Variants in MICOS13 observed in about 807,000 individuals in gnomAD.
The protein encoded by MICOS13 is mitochondrial contact site and cristae organizing system subunit 13.
Under a neutral mutation model 16.1 loss-of-function variants are expected in MICOS13, and 15 were observed. That is an observed-to-expected ratio of 0.93 (90% confidence interval 0.62 to 1.44). MICOS13 has a LOEUF of 1.44. MICOS13 is among the 40% of genes most tolerant of loss of function. The probability of loss-of-function intolerance (pLI) is 0.00; values close to 1 mark genes in which losing one functional copy is unlikely to be tolerated. For synonymous variants in MICOS13, 61 were observed against 62.6 expected (o/e 0.97, Z 0.12); for missense variants, 164 against 155.0 (o/e 1.06, Z -0.31).
At chr19:5,680,323 G>A (rs896256306) in intron 1 of MICOS13, 135 bp downstream of exon 1, 58 of 1,608,014 alleles carry the variant, frequency 3.6e-5, no homozygotes, top group Non-Finnish European at 4.8e-5. Flanking sequence ...TTCCCTATCT[G>A]GCCCATAGGC....
intron 1 of MICOS13, 96 bp from the exon 2 acceptor site, chr19:5,679,859 C>T: frequency 1.4e-6 from 2 of 1,450,726 alleles, no homozygotes; most frequent in Non-Finnish European, 1.8e-6. Context: ...CTCCTGAGGG[C>T]TCACCGTCCA....
chr19:5,680,145 C>G (rs1227404645), intron 1 of MICOS13: 1 of 1,536,080 alleles, frequency 6.5e-7, no homozygotes, highest in Admixed American at 2.0e-5. Flanking sequence ...GCATTCACTT[C>G]TCATCCACGC....
At position 5,678,742 on chromosome 19, in the gene MICOS13, G is replaced by A. The variant is rs549109475; in HGVS notation, c.260-94C>T. The A allele has an allele frequency of 2.8e-5, 19 of 674,534 alleles. No homozygotes were observed. In the South Asian group the frequency reaches 3.7e-4, roughly 13 times the overall value. 41.8% of individuals were successfully genotyped at this position (674,534 alleles called of 1,614,324 possible). ...ACTCTAGAGTTTGTTTTGGGCGGTG[G>A]GGGGTGGGTGGGGGGCGGGGATGGA... On this transcript the variant is annotated intron_variant, in intron 3 of 3. Transcript: ENST00000309324.
intron 3 of MICOS13, 43 bp from the exon 4 acceptor site, chr19:5,678,691 C>A (rs1466926037): frequency 1.4e-6 from 2 of 1,415,650 alleles, no homozygotes; most frequent in Admixed American, 5.0e-5. Context: ...CCCTCCCAGC[C>A]TCACCCAGCC....
chr19:5,680,421 T>C lies in MICOS13; in HGVS notation c.29+37A>G, dbSNP rs371700451. ...AGGGATGCCCACAAAAATGGACTTT[T>C]TCGGGGACTCGGGTCCCCTCCGGCG... On this transcript the variant is annotated intron_variant, in intron 1 of 3. Transcript: ENST00000309324. The C allele has an allele frequency of 7.4e-5, 120 of 1,612,958 alleles. No individual in the cohort carries two copies. The Middle Eastern group carries it at 1.2e-3, about 15-fold the overall frequency.
chr19:5,679,208 G>A lies in MICOS13; in HGVS notation c.259+137C>T, dbSNP rs575566920. ...ATTACAGGCGTGAGCCACTGTGCTC[G>A]GCCTCCTTTCCCTTTTAGATCCCTA... On this transcript the variant is annotated intron_variant, in intron 3 of 3. Transcript: ENST00000309324. The A allele has an allele frequency of 4.1e-5, 39 of 945,870 alleles. No individual in the cohort carries two copies. In the East Asian group the frequency reaches 6.1e-4, roughly 15 times the overall value. The allele number at this position is 945,870 out of a possible 1,614,324, so 58.6% of individuals were successfully genotyped here.
At chr19:5,679,479 G>C in intron 2 of MICOS13, 83 bp from the exon 3 acceptor site, 2 of 1,593,468 alleles carry the variant, frequency 1.3e-6, no homozygotes, top group Non-Finnish European at 1.7e-6. Flanking sequence ...GGACAGGCCG[G>C]AGAATCAGGT....
At chr19:5,679,530 G>A in intron 2 of MICOS13, 56 bp downstream of exon 2, 7 of 1,597,288 alleles carry the variant, frequency 4.4e-6, no homozygotes, top group Non-Finnish European at 4.3e-6. Flanking sequence ...GGGCTGGAGG[G>A]ACCTCCCAGA....
In MICOS13 at chr19:5,678,600, C is replaced by T. The variant is rs778546765; in HGVS notation, c.308G>A (p.Arg103His). The part of the protein sequence containing the change: ...SALSVAPSKA[R>H]EYSKEGWEYV... ...CTCCCAGCCCTCCTTGGAGTACTCG[C>T]GGGCCTTGGAGGGGGCCACCGACAG... Residue 103 changes from arginine (R) to histidine (H), a missense_variant, in exon 4 of 4, where the codon CGC becomes CAC. Physicochemically the swap from Arg to His is conservative, Grantham distance 29. Coordinates refer to ENST00000309324, the MANE Select transcript of MICOS13 (RefSeq NM_205767.3). 39 of 1,548,216 alleles carry T rather than the reference C, an allele frequency of 2.5e-5. No homozygotes were observed. The highest frequency in any genetic ancestry group is 2.2e-4 in the Admixed American group (11 of 50,596).
chr19:5,679,618 C>G lies in MICOS13; in HGVS notation c.175G>C (p.Val59Leu). The G allele has an allele frequency of 1.9e-6, 3 of 1,611,202 alleles. No homozygotes were observed. The highest frequency in any genetic ancestry group is 1.3e-5 in the African/African-American group (1 of 74,930). Residue 59 changes from valine (V) to leucine (L), a missense_variant, in exon 2 of 4, where the codon GTG (valine) becomes CTG (leucine). Val to Leu is a conservative substitution (Grantham distance 32). Coordinates refer to ENST00000309324, the MANE Select transcript of MICOS13 (RefSeq NM_205767.3). Reference sequence around the variant, plus strand: ...ATCTGCAGGCCTGTCTGCTGACACACGTACTGGCTGAACTGGTACATGGCG... The same window carrying G: ...ATCTGCAGGCCTGTCTGCTGACACAGGTACTGGCTGAACTGGTACATGGCG... ...PPAMYQFSQY[V>L]CQQTGLQIPQ...
Position 5,678,657 on chromosome 19 carries a change from A to G in MICOS13, c.260-9T>C. The stretch of plus-strand genomic sequence containing the variant: ...CATCACCGTCATGATGCCTGTGGGA[A>G]AGGGACGGCCACTGGTGATACTCCC... On this transcript the variant is annotated splice_polypyrimidine_tract_variant and intron_variant, in intron 3 of 3. Transcript: ENST00000309324. The G allele has an allele frequency of 6.6e-7, 1 of 1,517,962 alleles. No individual in the cohort carries two copies. Among genetic ancestry groups the G allele is most frequent in the Non-Finnish European group, 8.9e-7 (1 of 1,129,796 alleles). The allele number at this position is 1,517,962 out of a possible 1,614,324, so 94.0% of individuals were successfully genotyped here. A position where few individuals can be genotyped will look rare whatever the true frequency, so the allele number is the denominator to read the frequency against.
chr19:5,678,475 G>T lies in MICOS13; in HGVS notation c.*76C>A. The stretch of plus-strand genomic sequence containing the variant: ...AAGGCCGGGAGCTGCCCTCGGAGTG[G>T]GGTCCCAGTCCGGAGTCTTCAGGTC... On this transcript the variant is annotated 3_prime_UTR_variant, in exon 4 of 4. Transcript: ENST00000309324. The T allele has an allele frequency of 2.9e-6, 4 of 1,363,054 alleles. No homozygotes were observed. The allele number at this position is 1,363,054 out of a possible 1,614,324, so 84.4% of individuals were successfully genotyped here.
At chr19:5,680,344 G>C in intron 1 of MICOS13, 114 bp downstream of exon 1, 2 of 1,605,884 alleles carry the variant, frequency 1.2e-6, no homozygotes, top group Non-Finnish European at 1.7e-6. Context: ...GGGGAACGAA[G>C]GGGAAGTGAC....
intron 1 of MICOS13, chr19:5,680,114 G>C: frequency 6.5e-7 from 1 of 1,535,930 alleles, no homozygotes; most frequent in Non-Finnish European, 8.7e-7. Context: ...CCTGCCCGCT[G>C]TCACTCGCAG....
At position 5,678,628 on chromosome 19, in the gene MICOS13, C is replaced by G; in HGVS notation, c.280G>C (p.Ala94Pro). The change falls in exon 4 of 4, where the codon GCT becomes CCT. Residue 94 changes from alanine (A) to proline (P), a missense_variant. Physicochemically the swap from Ala to Pro is conservative, Grantham distance 27 (BLOSUM62 -1). Transcript: ENST00000309324. ...WNAGIMTVMS[A>P]LSVAPSKARE... ...GCCTTGGAGGGGGCCACCGACAGAG[C>G]TGACATCACCGTCATGATGCCTGTG... 6.5e-7 allele frequency: 1 copy of G among 1,542,008 alleles called. No individual in the cohort carries two copies. Among genetic ancestry groups the G allele is most frequent in the Non-Finnish European group, 8.7e-7 (1 of 1,143,012 alleles).
chr19:5,678,597 T>C lies in MICOS13; in HGVS notation c.311A>G (p.Glu104Gly). 1 of 1,548,632 alleles carries C rather than the reference T, an allele frequency of 6.5e-7. No individual in the cohort carries two copies. The highest frequency in any genetic ancestry group is 8.7e-7 in the Non-Finnish European group (1 of 1,146,144). Residue 104 changes from glutamate to glycine, a missense_variant, in exon 4 of 4, where the codon GAG becomes GGG. By Grantham distance (98) the Glu-to-Gly change is moderately conservative (BLOSUM62 -2). Transcript: ENST00000309324. ...ALSVAPSKAR[E>G]YSKEGWEYVK... ...ATACTCCCAGCCCTCCTTGGAGTAC[T>C]CGCGGGCCTTGGAGGGGGCCACCGA...
intron 3 of MICOS13, 161 bp downstream of exon 3, chr19:5,679,184 T>G (rs1391278281): frequency 1.3e-6 from 1 of 756,888 alleles, no homozygotes. Context: ...AGTGCTGGGA[T>G]TACAGGCGTG....
chr19:5,680,306 C>T, intron 1 of MICOS13, 152 bp downstream of exon 1: 1 of 1,609,732 alleles, frequency 6.2e-7, no homozygotes, highest in African/African-American at 1.3e-5. Context: ...CCCTCTGAAG[C>T]CTCAGTTTCC....
intron 3 of MICOS13, 134 bp downstream of exon 3, chr19:5,679,211 C>G (rs781405172): frequency 6.0e-6 from 6 of 1,001,382 alleles, no homozygotes; most frequent in Non-Finnish European, 8.8e-6. Flanking sequence ...TGTGCTCGGC[C>G]TCCTTTCCCT....
Sources: gnomAD v4.1 joint callset for allele counts on GRCh38, gnomAD v4.1.1 for gene constraint, MANE v1.5 for transcripts, NCBI Gene and HGNC (gene_info 2026-07-23, HGNC 2026-07-21) for gene names.